MEGF11: variants seen among roughly 807,000 people sequenced by gnomAD.
MEGF11 encodes the protein multiple epidermal growth factor-like domains protein 11.
Under a neutral mutation model 146.6 loss-of-function variants are expected in MEGF11, and 126 were observed. That is an observed-to-expected ratio of 0.86 (90% confidence interval 0.74 to 1.00). The LOEUF is 1.00. Among genes scored for constraint, MEGF11 ranks in the 50% least tolerant of loss-of-function variants. The probability of loss-of-function intolerance (pLI) is 0.00; values close to 1 mark genes in which losing one functional copy is unlikely to be tolerated. For synonymous variants in MEGF11, 532 were observed against 583.4 expected, an observed-to-expected ratio of 0.91 and a Z score of 1.27; for missense variants, 1,509 against 1,521.2, an observed-to-expected ratio of 0.99 and a Z score of 0.13.
chr15:66,052,722 T>C (rs960929572), intron 5 of MEGF11, among the ~76,000 whole-genome samples: 4 of 152,200 alleles, frequency 2.6e-5, no homozygotes, highest in Non-Finnish European at 1.5e-5. Context: ...GCTGTGAGGC[T>C]GCACTAGGGG....
At chr15:66,212,152 GC>G (rs752035190) in intron 1 of MEGF11, among the ~76,000 whole-genome samples, 4 of 151,900 alleles carry the variant, frequency 2.6e-5, no homozygotes, top group Non-Finnish European at 5.9e-5. Context: ...AAGCAAGGGA[GC>G]CCACACAAGA....
chr15:65,923,008 GGT>G (rs2079231675), intron 13 of MEGF11, 39 bp from the exon 14 acceptor site: 1 of 1,601,040 alleles, frequency 6.2e-7, no homozygotes, highest in South Asian at 1.1e-5. Flanking sequence ...TGGTAAGAGA[GGT>G]GAGGATGAAG....
At chr15:66,193,095 CA>C (rs1411584640) in intron 1 of MEGF11, among the ~76,000 whole-genome samples, 1 of 152,230 alleles carries the variant, frequency 6.6e-6, no homozygotes, top group Non-Finnish European at 1.5e-5. Context: ...CATGTGTTAA[CA>C]AACTGTCAGT....
At chr15:65,989,102 C>A (rs964533373) in intron 5 of MEGF11, among the ~76,000 whole-genome samples, 3 of 152,088 alleles carry the variant, frequency 2.0e-5, no homozygotes, top group African/African-American at 7.2e-5. Context: ...AAGCATAGGT[C>A]CCTTGAAAAG....
intron 3 of MEGF11, 146 bp from the exon 4 acceptor site, chr15:66,119,332 A>G (rs1482524391): frequency 3.1e-6 from 2 of 635,398 alleles, no homozygotes; most frequent in Non-Finnish European, 5.5e-6. Flanking sequence ...GGAACACAAT[A>G]AAAAAATCAA....
rs1352926195 is a variant in MEGF11 at position 65,922,330 on chromosome 15, G to GAC, written c.1957+6_1957+7dup. 5 of 1,607,150 alleles carry GAC rather than the reference G, an allele frequency of 3.1e-6. No individual in the cohort carries two copies. The highest frequency in any genetic ancestry group is 1.7e-4 in the Middle Eastern group (1 of 6,058). On this transcript the variant is annotated splice_region_variant and intron_variant, in intron 15 of 25. Transcript: ENST00000395614. The stretch of plus-strand genomic sequence containing the variant: ...CCCCACCCAGTACCTTCCCACTGGA[G>GAC]ACAGTACCTTGGTTGCAGAGAGCTC...
chr15:65,996,636 C>A (rs1450715990), intron 5 of MEGF11, among the ~76,000 whole-genome samples: 1 of 152,008 alleles, frequency 6.6e-6, no homozygotes, highest in Non-Finnish European at 1.5e-5. Context: ...CAGGCGTGAG[C>A]CATCACACCC....
intron 25 of MEGF11, 117 bp downstream of exon 25, chr15:65,898,611 A>G (rs1350658513): frequency 1.3e-6 from 2 of 1,501,508 alleles, no homozygotes; most frequent in African/African-American, 1.4e-5. Context: ...AGATGCCTTT[A>G]AAAGCAACAA....
chr15:66,235,516 G>T (rs74245464), intron 1 of MEGF11, among the ~76,000 whole-genome samples: 1 of 56,908 alleles, frequency 1.8e-5, no homozygotes. Context: ...AAAAAAAAAA[G>T]GTCAAAATCT....
At chr15:66,238,841 C>T (rs1252696702) in intron 1 of MEGF11, among the ~76,000 whole-genome samples, 3 of 150,088 alleles carry the variant, frequency 2.0e-5, no homozygotes, top group Non-Finnish European at 3.0e-5. Context: ...TCCTGCTTTC[C>T]GCCACATCGC....
intron 1 of MEGF11, among the ~76,000 whole-genome samples, chr15:66,161,002 T>C (rs72744461): frequency 1.3e-5 from 2 of 152,168 alleles, no homozygotes; most frequent in Non-Finnish European, 2.9e-5. Context: ...AGTCTAGGTG[T>C]GCCCACGAGG....
At chr15:66,230,671 G>C (rs2091950465) in intron 1 of MEGF11, among the ~76,000 whole-genome samples, 1 of 152,154 alleles carries the variant, frequency 6.6e-6, no homozygotes, top group African/African-American at 2.4e-5. Flanking sequence ...TATAAAAGGG[G>C]GGAGATGAAA....
At chr15:66,063,439 C>T (rs1775290596) in intron 5 of MEGF11, among the ~76,000 whole-genome samples, 1 of 152,198 alleles carries the variant, frequency 6.6e-6, no homozygotes, top group African/African-American at 2.4e-5. Context: ...TCAGCCCTAG[C>T]TCCATTTCTG....
intron 5 of MEGF11, among the ~76,000 whole-genome samples, chr15:66,030,962 T>C (rs944279697): frequency 6.6e-6 from 1 of 152,220 alleles, no homozygotes; most frequent in African/African-American, 2.4e-5. Context: ...GCTCATAAGC[T>C]GTTTAGTAGG....
chr15:66,203,420 G>A (rs1469193564), intron 1 of MEGF11, among the ~76,000 whole-genome samples: 1 of 152,180 alleles, frequency 6.6e-6, no homozygotes, highest in Non-Finnish European at 1.5e-5. Flanking sequence ...GGCAACTGAG[G>A]CCTTCTAGTC....
At chr15:66,044,175 A>G (rs998064145) in intron 5 of MEGF11, among the ~76,000 whole-genome samples, 1 of 152,168 alleles carries the variant, frequency 6.6e-6, no homozygotes, top group Admixed American at 6.5e-5. Context: ...GGTGATGTGG[A>G]AGGAATATAG....
intron 7 of MEGF11, among the ~76,000 whole-genome samples, chr15:65,971,919 A>G (rs910863613): frequency 6.6e-6 from 1 of 152,246 alleles, no homozygotes; most frequent in Non-Finnish European, 1.5e-5. Flanking sequence ...AGCCTCTGTC[A>G]TAATTAAAAT....
At position 66,152,909 on chromosome 15, in the gene MEGF11, G is replaced by A. The variant is rs118172400; in HGVS notation, c.-8-24498C>T. Among the ~76,000 whole-genome samples, 654 of 152,304 alleles carry A rather than the reference G, an allele frequency of 4.3e-3. 3 individuals are homozygous for A. The highest frequency in any genetic ancestry group is 7.0e-3 in the Admixed American group (107 of 15,302). On this transcript the variant is annotated intron_variant, in intron 1 of 25. Coordinates refer to ENST00000395614, the MANE Select transcript of MEGF11 (RefSeq NM_001385028.1). ...GCTGCCCCTCCCCGCCGAAGCCACC[G>A]CTTGCTCACATGCAGCCCTCCTGGG...
chr15:65,933,832 G>A (rs940237990), intron 10 of MEGF11, among the ~76,000 whole-genome samples: 2 of 152,196 alleles, frequency 1.3e-5, no homozygotes, highest in African/African-American at 4.8e-5. Context: ...CTGAGCCTCA[G>A]TTCCCACATC....
Sources: allele counts gnomAD v4.1 joint callset (sites outside exome capture counted in the v4.1 genomes callset), GRCh38; gene constraint gnomAD v4.1.1; transcripts MANE v1.5; gene names NCBI Gene and HGNC (gene_info 2026-07-23, HGNC 2026-07-21).